Variants in PARD3B observed in about 807,000 individuals in gnomAD.
PARD3B encodes the protein par-3 family cell polarity regulator beta.
In PARD3B, 103 loss-of-function variants were observed where a neutral mutation model predicts 130.2. The ratio of observed to expected loss-of-function variants is 0.79; its 90% CI spans 0.67 to 0.93. PARD3B has a LOEUF of 0.93. Among genes scored for constraint, PARD3B ranks in the 40% least tolerant of loss-of-function variants. The pLI is 0.00. For synonymous variants in PARD3B, 583 were observed against 553.2 expected, an observed-to-expected ratio of 1.05 and a Z score of -0.76; for missense variants, 1,609 against 1,499.2, an observed-to-expected ratio of 1.07 and a Z score of -1.21.
intron 2 of PARD3B, among the ~76,000 whole-genome samples, chr2:204,702,648 C>T (rs1309456675): frequency 1.3e-5 from 2 of 152,098 alleles, no homozygotes; most frequent in African/African-American, 4.8e-5. Context: ...GATCTCGGCT[C>T]ATTGCAACCT....
At chr2:204,621,691 A>T (rs1474399972) in intron 1 of PARD3B, among the ~76,000 whole-genome samples, 3 of 152,198 alleles carry the variant, frequency 2.0e-5, no homozygotes, top group Non-Finnish European at 4.4e-5. Flanking sequence ...TTTCCTAAAT[A>T]GCTTTCTGTG....
chr2:205,376,832 T>C (rs936825147), intron 18 of PARD3B, among the ~76,000 whole-genome samples: 4 of 152,114 alleles, frequency 2.6e-5, no homozygotes, highest in African/African-American at 9.7e-5. Context: ...GGAACAGCTG[T>C]AAATTGATGG....
intron 20 of PARD3B, among the ~76,000 whole-genome samples, chr2:205,486,144 G>A (rs2049433285): frequency 1.3e-5 from 2 of 152,166 alleles, no homozygotes; most frequent in African/African-American, 4.8e-5. Flanking sequence ...AGCACTTGAG[G>A]ATTTAGGTCT....
chr2:205,423,977 G>A (rs1204661654), intron 19 of PARD3B, among the ~76,000 whole-genome samples: 1 of 152,028 alleles, frequency 6.6e-6, no homozygotes, highest in Admixed American at 6.6e-5. Context: ...AATAGCTTAT[G>A]GGTACTAGGC....
chr2:204,970,427 C>A (rs1691605063), intron 3 of PARD3B, among the ~76,000 whole-genome samples: 1 of 152,164 alleles, frequency 6.6e-6, no homozygotes, highest in South Asian at 2.1e-4. Flanking sequence ...CCAGGTCACT[C>A]CCTGATGTGT....
intron 22 of PARD3B, among the ~76,000 whole-genome samples, chr2:205,588,531 G>A (rs2054277100): frequency 6.6e-6 from 1 of 151,782 alleles, no homozygotes; most frequent in African/African-American, 2.4e-5. Flanking sequence ...ATGTGTGTGT[G>A]CGTGTGCATA....
chr2:204,707,389 C>T (rs4140727), intron 2 of PARD3B, among the ~76,000 whole-genome samples: 1 of 152,064 alleles, frequency 6.6e-6, no homozygotes, highest in Non-Finnish European at 1.5e-5. Flanking sequence ...AGTTTTTTGA[C>T]GAAATCACTG....
intron 2 of PARD3B, among the ~76,000 whole-genome samples, chr2:204,862,161 T>C (rs1211057555): frequency 2.0e-5 from 3 of 152,170 alleles, no homozygotes; most frequent in Non-Finnish European, 4.4e-5. Flanking sequence ...ACGTATGATA[T>C]CCACTCCCAG....
At chr2:205,506,710 C>A (rs180973803) in intron 21 of PARD3B, among the ~76,000 whole-genome samples, 22 of 152,274 alleles carry the variant, frequency 1.4e-4, no homozygotes, top group Admixed American at 1.2e-3. Context: ...TGGTCCAATA[C>A]CAGAGTGGAG....
intron 20 of PARD3B, among the ~76,000 whole-genome samples, chr2:205,485,973 T>G (rs1575138431): frequency 6.6e-6 from 1 of 152,332 alleles, no homozygotes; most frequent in Non-Finnish European, 1.5e-5. Flanking sequence ...TATTTATTTA[T>G]ATCTGTGTCT....
chr2:205,002,320 G>A (rs1248067751), intron 3 of PARD3B, among the ~76,000 whole-genome samples: 2 of 152,148 alleles, frequency 1.3e-5, no homozygotes, highest in African/African-American at 2.4e-5. Flanking sequence ...TGACATTTCA[G>A]ACAGACCACA....
At chr2:205,581,257 T>TATAGATATAGATAG (rs2053959309) in intron 22 of PARD3B, among the ~76,000 whole-genome samples, 1 of 120,928 alleles carries the variant, frequency 8.3e-6, no homozygotes, top group South Asian at 2.5e-4. Flanking sequence ...TATAGATATA[T>TATAGATATAGATAG]ATAGATATAG....
At chr2:204,778,968 C>A (rs1004891129) in intron 2 of PARD3B, among the ~76,000 whole-genome samples, 10 of 152,128 alleles carry the variant, frequency 6.6e-5, no homozygotes, top group African/African-American at 2.4e-4. Context: ...TTGGGCACTG[C>A]CTGCCGCCTC....
chr2:205,217,320 A>C (rs987717956), intron 15 of PARD3B, among the ~76,000 whole-genome samples: 2 of 152,178 alleles, frequency 1.3e-5, no homozygotes, highest in African/African-American at 4.8e-5. Context: ...AGAATTTCTG[A>C]GTTGCTTTAG....
At chr2:205,535,365 AAAG>A (rs1180009497) in intron 21 of PARD3B, among the ~76,000 whole-genome samples, 3 of 152,176 alleles carry the variant, frequency 2.0e-5, no homozygotes, top group African/African-American at 4.8e-5. Context: ...CTCCATGCCA[AAAG>A]AAGATGTCAT....
Position 205,245,811 on chromosome 2 carries a change from G to C in PARD3B, c.2174G>C (p.Gly725Ala). The C allele has an allele frequency of 6.3e-7, 1 of 1,597,198 alleles. No individual in the cohort carries two copies. Among genetic ancestry groups the C allele is most frequent in the Non-Finnish European group, 8.6e-7 (1 of 1,165,104 alleles). ...GAAAGCAAGGTTCACTCATTGGCTG[G>C]ACAAAAATCGGGTAAGAAATTCCTT... is the stretch of plus-strand genomic sequence containing the variant. ...PDESKVHSLA[G>A]QKSESPSKDF... The change falls in exon 16 of 23, where the codon GGA (glycine) becomes GCA (alanine). Residue 725 changes from glycine (G) to alanine (A), a missense_variant. Transcript: ENST00000406610.
intron 15 of PARD3B, among the ~76,000 whole-genome samples, chr2:205,232,013 G>A (rs954775520): frequency 6.6e-6 from 1 of 152,198 alleles, no homozygotes; most frequent in Non-Finnish European, 1.5e-5. Flanking sequence ...CATTGGATAA[G>A]GTATGCAAGA....
chr2:204,564,835 A>G (rs1290193555), intron 1 of PARD3B, among the ~76,000 whole-genome samples: 1 of 152,232 alleles, frequency 6.6e-6, no homozygotes, highest in African/African-American at 2.4e-5. Flanking sequence ...TCGTCAGATA[A>G]TTGTAGATAT....
intron 19 of PARD3B, among the ~76,000 whole-genome samples, chr2:205,425,910 TAAAC>T (rs777562075): frequency 1.7e-4 from 26 of 152,268 alleles, no homozygotes; most frequent in African/African-American, 3.4e-4. Flanking sequence ...GAGGAAAACA[TAAAC>T]AAAGAGTCAA....
Sources: allele counts gnomAD v4.1 joint callset (sites outside exome capture counted in the v4.1 genomes callset), GRCh38; gene constraint gnomAD v4.1.1; transcripts MANE v1.5; gene names NCBI Gene and HGNC (gene_info 2026-07-23, HGNC 2026-07-21).